The following DLGAP1 variants were observed in gnomAD, a reference collection of about 807,000 sequenced individuals.
The protein encoded by DLGAP1 is DLG associated protein 1.
Under a neutral mutation model 90.8 loss-of-function variants are expected in DLGAP1, and 11 were observed. The observed-to-expected ratio is 0.12, with a 90% CI of 0.08 to 0.20. The LOEUF is 0.20. Among genes scored for constraint, DLGAP1 ranks in the 10% least tolerant of loss-of-function variants. DLGAP1 has a pLI of 1.00. For synonymous variants in DLGAP1, 558 were observed against 540.7 expected (o/e 1.03, Z -0.44); for missense variants, 1,050 against 1,333.8 (o/e 0.79, Z 3.31).
intron 1 of DLGAP1, among the ~76,000 whole-genome samples, chr18:4,443,651 T>C (rs1389804455): frequency 2.6e-5 from 4 of 152,184 alleles, no homozygotes; most frequent in African/African-American, 9.6e-5. Flanking sequence ...AATACACCTT[T>C]GGAACACAAC....
At chr18:3,935,197 T>C (rs1358367234) in intron 3 of DLGAP1, among the ~76,000 whole-genome samples, 1 of 152,236 alleles carries the variant, frequency 6.6e-6, no homozygotes, top group African/African-American at 2.4e-5. Flanking sequence ...GTGACATGGA[T>C]AAAGCAGGTA....
At chr18:4,347,530 C>A (rs189461509) in intron 1 of DLGAP1, among the ~76,000 whole-genome samples, 2 of 151,978 alleles carry the variant, frequency 1.3e-5, no homozygotes, top group East Asian at 3.9e-4. Context: ...TATAGAAATT[C>A]AAGGTTGGTT....
At chr18:4,123,112 A>C (rs553298050) in intron 2 of DLGAP1, among the ~76,000 whole-genome samples, 1 of 152,204 alleles carries the variant, frequency 6.6e-6, no homozygotes, top group African/African-American at 2.4e-5. Flanking sequence ...TTGGAAACTT[A>C]GTATCCTTCC....
At chr18:3,600,380 C>G (rs537958580) in intron 7 of DLGAP1, among the ~76,000 whole-genome samples, 1 of 151,850 alleles carries the variant, frequency 6.6e-6, no homozygotes, top group Non-Finnish European at 1.5e-5. Flanking sequence ...CTCAGCCTCC[C>G]GAGTAGTGCC....
At chr18:3,795,757 G>A (rs998152806) in intron 5 of DLGAP1, among the ~76,000 whole-genome samples, 34 of 152,242 alleles carry the variant, frequency 2.2e-4, no homozygotes, top group Admixed American at 3.3e-4. Context: ...TAGCTAGACC[G>A]GGAGATAGAT....
chr18:3,521,350 C>T (rs541061199), intron 10 of DLGAP1, among the ~76,000 whole-genome samples: 2 of 152,218 alleles, frequency 1.3e-5, no homozygotes, highest in Admixed American at 1.3e-4. Flanking sequence ...CCTTGGTTCC[C>T]CTGCTCCATA....
intron 3 of DLGAP1, among the ~76,000 whole-genome samples, chr18:3,891,775 A>T (rs1381759006): frequency 2.0e-5 from 3 of 152,126 alleles, no homozygotes; most frequent in Non-Finnish European, 2.9e-5. Flanking sequence ...AGTAATTTTT[A>T]AATTTTTTTT....
intron 2 of DLGAP1, among the ~76,000 whole-genome samples, chr18:4,034,915 A>G (rs1403484384): frequency 1.8e-5 from 2 of 113,240 alleles, no homozygotes; most frequent in South Asian, 2.6e-4. Flanking sequence ...ACCATTTGAA[A>G]AAAAAAAAAA....
At chr18:3,510,784 T>C (rs1208445026) in intron 10 of DLGAP1, among the ~76,000 whole-genome samples, 1 of 152,204 alleles carries the variant, frequency 6.6e-6, no homozygotes, top group Non-Finnish European at 1.5e-5. Context: ...TGGTTCTCAA[T>C]TATGTCTGAT....
intron 4 of DLGAP1, among the ~76,000 whole-genome samples, chr18:3,846,424 T>C (rs1360603668): frequency 6.6e-6 from 1 of 152,314 alleles, no homozygotes; most frequent in Non-Finnish European, 1.5e-5. Context: ...TGTCACCATA[T>C]GACCCAGCAA....
chr18:3,533,457 C>T (rs980736504), intron 10 of DLGAP1, among the ~76,000 whole-genome samples: 2 of 152,064 alleles, frequency 1.3e-5, no homozygotes, highest in East Asian at 1.9e-4. Context: ...GGGTTTCTAG[C>T]GGCCTATACG....
intron 7 of DLGAP1, among the ~76,000 whole-genome samples, chr18:3,622,136 G>T (rs562446782): frequency 6.7e-6 from 1 of 150,058 alleles, no homozygotes; most frequent in Non-Finnish European, 1.5e-5. Flanking sequence ...ATGGAGTCTC[G>T]CTCTGTCGCC....
At chr18:3,848,798 C>G (rs948878147) in intron 4 of DLGAP1, among the ~76,000 whole-genome samples, 1 of 152,180 alleles carries the variant, frequency 6.6e-6, no homozygotes, top group African/African-American at 2.4e-5. Flanking sequence ...TTTCTTGCAC[C>G]TGGATATTAC....
intron 7 of DLGAP1, among the ~76,000 whole-genome samples, chr18:3,667,203 G>A (rs899286790): frequency 1.3e-5 from 2 of 151,874 alleles, no homozygotes; most frequent in Admixed American, 6.6e-5. Flanking sequence ...TCAGCCTTCT[G>A]AGTAGCTGAG....
rs1257963530 is a variant in DLGAP1 at position 3,765,071 on chromosome 18, C to T, written c.1173-22559G>A. ...TTTATGTAGGTGGTGGATGGGCATT[C>T]CCTGGCTGCTTTGGAAGGCTCAGAA... On this transcript the variant is annotated intron_variant, in intron 5 of 12. Coordinates refer to ENST00000315677, the MANE Select transcript of DLGAP1 (RefSeq NM_004746.4). Among the ~76,000 whole-genome samples the T allele has an allele frequency of 2.6e-5, 4 of 151,298 alleles. No individual in the cohort carries two copies. The East Asian group carries it at 5.9e-4, about 22-fold the overall frequency.
intron 1 of DLGAP1, among the ~76,000 whole-genome samples, chr18:4,315,245 T>C (rs2080498568): frequency 6.6e-6 from 1 of 152,208 alleles, no homozygotes; most frequent in Non-Finnish European, 1.5e-5. Flanking sequence ...TTTAAAGTGC[T>C]TATAACAGTG....
intron 5 of DLGAP1, chr18:3,771,115 T>C (rs1300335111): frequency 1.3e-5 from 2 of 152,186 alleles, no homozygotes; most frequent in East Asian, 3.8e-4. Flanking sequence ...CTATTCGACA[T>C]ATTCTGTTGT....
intron 1 of DLGAP1, among the ~76,000 whole-genome samples, chr18:4,209,088 T>C (rs984944524): frequency 6.6e-6 from 1 of 152,104 alleles, no homozygotes; most frequent in African/African-American, 2.4e-5. Context: ...GGTGACTCCT[T>C]AAGAGTCAAC....
At chr18:4,384,176 C>T (rs909195946) in intron 1 of DLGAP1, among the ~76,000 whole-genome samples, 11 of 152,082 alleles carry the variant, frequency 7.2e-5, no homozygotes, top group African/African-American at 1.2e-4. Flanking sequence ...TACCTAATAT[C>T]GGCTTTATCC....
Sources: allele counts gnomAD v4.1 joint callset (sites outside exome capture counted in the v4.1 genomes callset), GRCh38; gene constraint gnomAD v4.1.1; transcripts MANE v1.5; gene names NCBI Gene and HGNC (gene_info 2026-07-23, HGNC 2026-07-21).